The following PKN2 variants were observed in gnomAD, a reference collection of about 807,000 sequenced individuals.
The protein encoded by PKN2 is protein kinase N2, also known as serine/threonine-protein kinase N2.
PKN2 carries 38 observed loss-of-function variants against 119.1 expected under a neutral mutation model. That is an observed-to-expected ratio of 0.32 (90% CI 0.25 to 0.42). The LOEUF (loss-of-function observed/expected upper bound fraction) is 0.42, where lower values mean the gene tolerates loss of function less well. PKN2 is among the 10% of genes least tolerant of loss of function. The pLI is 1.00. For missense variants in PKN2, 850 were observed against 1,165.1 expected (o/e 0.73, Z 3.94); for synonymous variants, 390 against 384.9 (o/e 1.01, Z -0.15).
At chr1:88,817,124 G>C (rs1261354332) in intron 16 of PKN2, among the ~76,000 whole-genome samples, 5 of 152,084 alleles carry the variant, frequency 3.3e-5, no homozygotes, top group African/African-American at 1.2e-4. Flanking sequence ...CAATATCCCT[G>C]ATGAACATCG....
At chr1:88,774,934 C>A (rs1272203461) in intron 6 of PKN2, among the ~76,000 whole-genome samples, 1 of 152,184 alleles carries the variant, frequency 6.6e-6, no homozygotes, top group Non-Finnish European at 1.5e-5. Flanking sequence ...GTCTCAAACT[C>A]CCGGCCTCAA....
chr1:88,716,445 T>A (rs1667459367), intron 1 of PKN2, among the ~76,000 whole-genome samples: 2 of 152,174 alleles, frequency 1.3e-5, no homozygotes, highest in Non-Finnish European at 2.9e-5. Flanking sequence ...TTTGTAGGTC[T>A]CTAAGGACTT....
At chr1:88,729,832 A>T (rs1481390383) in intron 1 of PKN2, among the ~76,000 whole-genome samples, 1 of 152,022 alleles carries the variant, frequency 6.6e-6, no homozygotes, top group Non-Finnish European at 1.5e-5. Flanking sequence ...GAAATCTATT[A>T]TTTCTTAACA....
intron 1 of PKN2, among the ~76,000 whole-genome samples, chr1:88,733,462 T>C (rs1412060703): frequency 6.6e-6 from 1 of 152,232 alleles, no homozygotes; most frequent in Admixed American, 6.5e-5. Context: ...TTCATACACC[T>C]GTGGGTTGTT....
chr1:88,716,392 G>A (rs996770742), intron 1 of PKN2, among the ~76,000 whole-genome samples: 1 of 152,142 alleles, frequency 6.6e-6, no homozygotes, highest in Non-Finnish European at 1.5e-5. Flanking sequence ...TGACACTGGG[G>A]TGTTAAAGTC....
chr1:88,808,370 A>G (rs1671644816), intron 15 of PKN2, among the ~76,000 whole-genome samples: 1 of 152,160 alleles, frequency 6.6e-6, no homozygotes, highest in Admixed American at 6.5e-5. Flanking sequence ...CAGTGGTGCC[A>G]TCTCGGCTCA....
chr1:88,833,995 A>G lies in PKN2; in HGVS notation c.*547A>G, dbSNP rs924207761. The stretch of plus-strand genomic sequence containing the variant: ...TCGGGGCTTGATTTTTTTTAAAAAA[A>G]CAGAATGAATTGATGTCTTATTTTA... On this transcript the variant is annotated 3_prime_UTR_variant, in exon 22 of 22. Coordinates refer to ENST00000370521, the MANE Select transcript of PKN2 (RefSeq NM_006256.4). 1 of 152,088 alleles carries G rather than the reference A, an allele frequency of 6.6e-6. No individual in the cohort carries two copies. The highest frequency in any genetic ancestry group is 1.5e-5 in the Non-Finnish European group (1 of 67,984). The allele number at this position is 152,088 out of a possible 1,614,324, so 9.4% of individuals were successfully genotyped here. A position where few individuals can be genotyped will look rare whatever the true frequency, so the allele number is the denominator to read the frequency against.
chr1:88,828,904 G>A lies in PKN2; in HGVS notation c.2562+281G>A, dbSNP rs116377940. 584 of 609,428 alleles carry A rather than the reference G, an allele frequency of 9.6e-4. 2 individuals carry two copies. The African/African-American group carries it at 0.01, about 11-fold the overall frequency. 37.8% of individuals were successfully genotyped at this position (609,428 alleles called of 1,614,324 possible). A position where few individuals can be genotyped will look rare whatever the true frequency, so the allele number is the denominator to read the frequency against. On this transcript the variant is annotated intron_variant, in intron 19 of 21. Coordinates refer to ENST00000370521, the MANE Select transcript of PKN2 (RefSeq NM_006256.4). ...ATTTTAAGACATAGTCATTTTATAG[G>A]GAATGGAATAACAGAAAGACTAATA...
chr1:88,812,119 T>G (rs1300647867), intron 15 of PKN2, among the ~76,000 whole-genome samples: 1 of 152,198 alleles, frequency 6.6e-6, no homozygotes, highest in East Asian at 1.9e-4. Context: ...TGGGACAAGT[T>G]GAAGATTCGT....
intron 19 of PKN2, chr1:88,829,240 G>A: frequency 1.4e-6 from 1 of 706,318 alleles, no homozygotes; most frequent in Non-Finnish European, 2.7e-6. Flanking sequence ...AAGCCATGTT[G>A]AGTGGCCCAG....
At chr1:88,747,453 C>G (rs1474538968) in intron 2 of PKN2, among the ~76,000 whole-genome samples, 1 of 152,024 alleles carries the variant, frequency 6.6e-6, no homozygotes, top group Non-Finnish European at 1.5e-5. Context: ...TGATGGTTAG[C>G]TGAGGCTAAA....
intron 19 of PKN2, among the ~76,000 whole-genome samples, chr1:88,831,828 G>T (rs1672742139): frequency 6.6e-6 from 1 of 152,010 alleles, no homozygotes; most frequent in Non-Finnish European, 1.5e-5. Flanking sequence ...GGAATTAAAT[G>T]ATATTTAGAC....
At chr1:88,717,328 T>C (rs560291409) in intron 1 of PKN2, among the ~76,000 whole-genome samples, 2 of 151,978 alleles carry the variant, frequency 1.3e-5, no homozygotes, top group Admixed American at 6.6e-5. Context: ...TTTCCTGAAT[T>C]TGAGTGTTGG....
chr1:88,815,721 C>T (rs553524719), intron 16 of PKN2, among the ~76,000 whole-genome samples: 1 of 152,238 alleles, frequency 6.6e-6, no homozygotes, highest in African/African-American at 2.4e-5. Flanking sequence ...TATCTTAAGG[C>T]TTGATTGAAG....
intron 8 of PKN2, among the ~76,000 whole-genome samples, chr1:88,798,384 T>C (rs1020978285): frequency 1.3e-5 from 2 of 151,836 alleles, no homozygotes; most frequent in African/African-American, 2.4e-5. Context: ...AGTTTTAAAA[T>C]AAATAAATAA....
At position 88,833,786 on chromosome 1, in the gene PKN2, A is replaced by G. The variant is rs1672831611; in HGVS notation, c.*338A>G. 5.1e-6 allele frequency: 1 copy of G among 194,850 alleles called. No homozygotes were observed. Among genetic ancestry groups the G allele is most frequent in the Non-Finnish European group, 1.0e-5 (1 of 96,078 alleles). 12.1% of individuals were successfully genotyped at this position (194,850 alleles called of 1,614,324 possible). ...CTTTTTTATAGTCCCTAGCTTTGCC[A>G]TATGCCCGCCTTAAGTGGAAGGAAA... On this transcript the variant is annotated 3_prime_UTR_variant, in exon 22 of 22. Transcript: ENST00000370521.
At chr1:88,828,430 TGCTAGA>T (rs1237562635) in intron 18 of PKN2, 45 bp from the exon 19 acceptor site, 1 of 1,486,944 alleles carries the variant, frequency 6.7e-7, no homozygotes, top group Admixed American at 1.9e-5. Context: ...TTTTTTTTTA[TGCTAGA>T]TTTGTTTTCT....
intron 7 of PKN2, among the ~76,000 whole-genome samples, 164 bp downstream of exon 7, chr1:88,784,988 T>C (rs1475208185): frequency 6.6e-6 from 1 of 152,142 alleles, no homozygotes; most frequent in Non-Finnish European, 1.5e-5. Flanking sequence ...GGCAACAAAT[T>C]CTGTTTTGTT....
chr1:88,826,992 C>T (rs1163108524), intron 18 of PKN2, among the ~76,000 whole-genome samples: 1 of 152,022 alleles, frequency 6.6e-6, no homozygotes, highest in African/African-American at 2.4e-5. Context: ...TTCTCCACTC[C>T]AGTGTGCTAA....
Sources: allele counts gnomAD v4.1 joint callset (sites outside exome capture counted in the v4.1 genomes callset), GRCh38; gene constraint gnomAD v4.1.1; transcripts MANE v1.5; gene names NCBI Gene and HGNC (gene_info 2026-07-23, HGNC 2026-07-21).